Variants in CNTNAP2 observed in about 807,000 individuals in gnomAD.
CNTNAP2 encodes contactin associated protein 2, also known as contactin-associated protein-like 2.
A neutral mutation model predicts 155.2 loss-of-function variants in CNTNAP2; 98 were observed. The ratio of observed to expected loss-of-function variants is 0.63; its 90% CI spans 0.54 to 0.75. The LOEUF (loss-of-function observed/expected upper bound fraction) is 0.75. Ranked by LOEUF, CNTNAP2 falls within the 30% of genes least tolerant of loss-of-function variation. CNTNAP2 has a pLI of 0.00. For synonymous variants in CNTNAP2, 651 were observed against 631.2 expected, an observed-to-expected ratio of 1.03 and a Z score of -0.47; for missense variants, 1,727 against 1,688.1, an observed-to-expected ratio of 1.02 and a Z score of -0.40.
intron 21 of CNTNAP2, among the ~76,000 whole-genome samples, chr7:148,346,773 TAAAAAAAAAAA>T (rs71188973): frequency 0.31 from 45,568 of 146,928 alleles, 7,355 homozygotes; most frequent in Non-Finnish European, 0.36. Flanking sequence ...ACTCCATCTT[TAAAAAAAAAAA>T]AAAAAAAAAA....
intron 10 of CNTNAP2, among the ~76,000 whole-genome samples, chr7:147,477,886 G>C (rs887993779): frequency 1.3e-5 from 2 of 152,136 alleles, no homozygotes; most frequent in Non-Finnish European, 2.9e-5. Context: ...AACAAACAAA[G>C]CTACATTCTC....
At chr7:147,936,975 A>G (rs1389960948) in intron 14 of CNTNAP2, among the ~76,000 whole-genome samples, 1 of 152,148 alleles carries the variant, frequency 6.6e-6, no homozygotes, top group Non-Finnish European at 1.5e-5. Flanking sequence ...GGAGACATCC[A>G]ATTATGGAGC....
intron 20 of CNTNAP2, among the ~76,000 whole-genome samples, chr7:148,250,640 T>G (rs1239541861): frequency 6.6e-6 from 1 of 152,170 alleles, no homozygotes; most frequent in African/African-American, 2.4e-5. Context: ...TTCAGCTCCC[T>G]GGCCACCAGA....
intron 1 of CNTNAP2, among the ~76,000 whole-genome samples, chr7:146,481,062 C>A (rs1201302624): frequency 6.6e-6 from 1 of 151,950 alleles, no homozygotes. Flanking sequence ...TGACCAAAAT[C>A]ATATACTTCT....
chr7:146,575,152 T>A (rs1213358071), intron 1 of CNTNAP2, among the ~76,000 whole-genome samples: 1 of 152,180 alleles, frequency 6.6e-6, no homozygotes, highest in East Asian at 1.9e-4. Flanking sequence ...CTTTTTTTTC[T>A]GTCGCCCAGG....
chr7:146,489,810 A>G (rs1797112225), intron 1 of CNTNAP2, among the ~76,000 whole-genome samples: 1 of 147,554 alleles, frequency 6.8e-6, no homozygotes, highest in Admixed American at 6.6e-5. Flanking sequence ...CAACCCCTGA[A>G]GTCGGGTGGT....
chr7:146,966,491 T>C (rs113309212), intron 3 of CNTNAP2, among the ~76,000 whole-genome samples: 1 of 152,218 alleles, frequency 6.6e-6, no homozygotes, highest in Non-Finnish European at 1.5e-5. Flanking sequence ...TTCACCAGTT[T>C]ACTCTTTTAA....
rs77070965 is a variant in CNTNAP2 at position 147,855,955 on chromosome 7, G to A, written c.2099-47610G>A. On this transcript the variant is annotated intron_variant, in intron 13 of 23. Transcript: ENST00000361727. ...CATGGACTATGAAGGACCCACAGAAGTGAAACTGTGTCCCCAGTCTAAACT... is the reference window on the plus strand; with the variant it reads ...CATGGACTATGAAGGACCCACAGAAATGAAACTGTGTCCCCAGTCTAAACT... Among the ~76,000 whole-genome samples, 331 of 152,254 alleles carry A rather than the reference G, an allele frequency of 2.2e-3. 13 individuals are homozygous for A. The East Asian group carries it at 0.051, about 23-fold the overall frequency.
At chr7:148,311,402 T>C (rs1198169397) in intron 21 of CNTNAP2, among the ~76,000 whole-genome samples, 1 of 145,108 alleles carries the variant, frequency 6.9e-6, no homozygotes, top group Non-Finnish European at 1.5e-5. Flanking sequence ...GTAAGGTTGA[T>C]AGCGTGGTGG....
At chr7:147,491,957 G>A (rs1798617132) in intron 11 of CNTNAP2, among the ~76,000 whole-genome samples, 1 of 152,124 alleles carries the variant, frequency 6.6e-6, no homozygotes, top group African/African-American at 2.4e-5. Context: ...GGAAAATATT[G>A]TGCCATGTTA....
intron 10 of CNTNAP2, among the ~76,000 whole-genome samples, chr7:147,471,139 G>C (rs6464810): frequency 6.6e-6 from 1 of 152,024 alleles, no homozygotes; most frequent in African/African-American, 2.4e-5. Context: ...CTAATCACCT[G>C]TCAGATGACC....
chr7:147,733,164 A>C (rs1382352098), intron 13 of CNTNAP2, among the ~76,000 whole-genome samples: 1 of 152,154 alleles, frequency 6.6e-6, no homozygotes, highest in African/African-American at 2.4e-5. Context: ...TTATGGTTTT[A>C]GGTCTAACAT....
In CNTNAP2 at chr7:146,489,868, G is replaced by A. The variant is rs538416580; in HGVS notation, c.98-284403G>A. On this transcript the variant is annotated intron_variant, in intron 1 of 23. Transcript: ENST00000361727. ...TCAGGACTTCTATGGGCTCAGAATA[G>A]GGGAGTGTGCTGACTGGTTTGAGTA... Among the ~76,000 whole-genome samples, 10 of 152,202 alleles carry A rather than the reference G, an allele frequency of 6.6e-5. 1 individual carries two copies. Among genetic ancestry groups the A allele is most frequent in the South Asian group, 4.1e-4 (2 of 4,820 alleles).
intron 13 of CNTNAP2, among the ~76,000 whole-genome samples, chr7:147,902,593 G>T (rs1365615327): frequency 1.3e-5 from 2 of 152,044 alleles, no homozygotes; most frequent in African/African-American, 2.4e-5. Flanking sequence ...CAAAGTCCTT[G>T]TATCATTCTT....
intron 9 of CNTNAP2, among the ~76,000 whole-genome samples, chr7:147,315,919 C>A (rs1009140190): frequency 6.6e-6 from 1 of 151,726 alleles, no homozygotes; most frequent in Non-Finnish European, 1.5e-5. Context: ...CTATTTATTG[C>A]CAAATATTTT....
chr7:147,949,626 T>C (rs1333055137), intron 14 of CNTNAP2, among the ~76,000 whole-genome samples: 3 of 152,072 alleles, frequency 2.0e-5, no homozygotes, highest in Non-Finnish European at 4.4e-5. Flanking sequence ...AACCTGGTTA[T>C]TTAGCAAGAA....
intron 9 of CNTNAP2, among the ~76,000 whole-genome samples, chr7:147,364,335 G>A (rs1447447292): frequency 1.3e-5 from 2 of 152,076 alleles, no homozygotes; most frequent in Non-Finnish European, 2.9e-5. Flanking sequence ...AATTATATGT[G>A]TAACTTTAAG....
intron 3 of CNTNAP2, among the ~76,000 whole-genome samples, chr7:146,973,191 G>A (rs969591963): frequency 6.6e-6 from 1 of 152,146 alleles, no homozygotes; most frequent in African/African-American, 2.4e-5. Context: ...GACATGCCCA[G>A]CTAATTTTGT....
At chr7:147,768,001 C>A (rs1405256698) in intron 13 of CNTNAP2, among the ~76,000 whole-genome samples, 16 of 152,000 alleles carry the variant, frequency 1.1e-4, no homozygotes, top group Admixed American at 9.2e-4. Context: ...ATCACCTGCT[C>A]CCAGGCAGCA....
Sources: allele counts gnomAD v4.1 joint callset (sites outside exome capture counted in the v4.1 genomes callset), GRCh38; gene constraint gnomAD v4.1.1; transcripts MANE v1.5; gene names NCBI Gene and HGNC (gene_info 2026-07-23, HGNC 2026-07-21).